TBL1XR1: variants seen among roughly 807,000 people sequenced by gnomAD.
The protein encoded by TBL1XR1 is TBL1X/Y related 1.
A neutral mutation model predicts 66.9 loss-of-function variants in TBL1XR1; 5 were observed. That is an observed-to-expected ratio of 0.07 (90% CI 0.04 to 0.16). The LOEUF is 0.16. TBL1XR1 is among the 10% of genes least tolerant of loss of function. TBL1XR1 has a pLI of 1.00. For missense variants in TBL1XR1, 238 were observed against 623.2 expected, an observed-to-expected ratio of 0.38 and a Z score of 6.58; for synonymous variants, 210 against 206.0, an observed-to-expected ratio of 1.02 and a Z score of -0.17.
intron 1 of TBL1XR1, among the ~76,000 whole-genome samples, chr3:177,191,831 C>T (rs1220478259): frequency 1.3e-5 from 2 of 152,160 alleles, no homozygotes; most frequent in East Asian, 1.9e-4. Flanking sequence ...TTGCCTGGCA[C>T]GGTGGCTCAT....
At chr3:177,201,772 TACCCCCAG>T (rs759700517), upstream of TBL1XR1, 6 of 152,238 alleles carry the variant, frequency 3.9e-5, no homozygotes, top group Non-Finnish European at 8.8e-5. Flanking sequence ...CTGTAGCGTT[TACCCCCAG>T]GCGTCTTGCT....
At chr3:177,136,749 A>C (rs994598791) in intron 1 of TBL1XR1, among the ~76,000 whole-genome samples, 9 of 152,194 alleles carry the variant, frequency 5.9e-5, no homozygotes, top group Non-Finnish European at 4.4e-5. Context: ...GTGTGCCCTA[A>C]AACTACAGTG....
At chr3:177,081,821 A>C (rs950523353) in intron 2 of TBL1XR1, among the ~76,000 whole-genome samples, 4 of 151,944 alleles carry the variant, frequency 2.6e-5, no homozygotes, top group African/African-American at 7.2e-5. Flanking sequence ...TATTGTCTTT[A>C]GTCAGTATAA....
At chr3:177,031,950 C>G (rs188070981) in intron 14 of TBL1XR1, among the ~76,000 whole-genome samples, 10 of 151,908 alleles carry the variant, frequency 6.6e-5, no homozygotes, top group Admixed American at 5.2e-4. Flanking sequence ...ATGGAAAAAA[C>G]ATGATCAAAC....
intron 1 of TBL1XR1, among the ~76,000 whole-genome samples, chr3:177,186,800 T>C (rs1003782707): frequency 6.6e-6 from 1 of 152,154 alleles, no homozygotes; most frequent in African/African-American, 2.4e-5. Context: ...AAAATTGAAA[T>C]CATGGCCAGT....
intron 1 of TBL1XR1, among the ~76,000 whole-genome samples, chr3:177,176,495 T>C (rs1734169797): frequency 6.6e-6 from 1 of 151,080 alleles, no homozygotes; most frequent in African/African-American, 2.4e-5. Flanking sequence ...CTGGTTAATT[T>C]TCTTAAATGC....
At chr3:177,057,090 GTCTCA>G (rs1717900291) in intron 3 of TBL1XR1, among the ~76,000 whole-genome samples, 1 of 152,058 alleles carries the variant, frequency 6.6e-6, no homozygotes, top group African/African-American at 2.4e-5. Context: ...TGTCTCTCCA[GTCTCA>G]TCTCAATACT....
chr3:177,193,115 T>A (rs1348685307), intron 1 of TBL1XR1, among the ~76,000 whole-genome samples: 3 of 151,604 alleles, frequency 2.0e-5, no homozygotes, highest in Admixed American at 2.0e-4. Context: ...ATCGCGCCAC[T>A]GCACTCCAGC....
chr3:177,064,064 A>G (rs569777432), intron 3 of TBL1XR1, among the ~76,000 whole-genome samples: 166 of 152,220 alleles, frequency 1.1e-3, no homozygotes, highest in Non-Finnish European at 2.1e-3. Flanking sequence ...ACAAGCTTAG[A>G]CCTCTACTTT....
intron 1 of TBL1XR1, among the ~76,000 whole-genome samples, chr3:177,155,478 G>A (rs986311766): frequency 2.0e-5 from 3 of 152,058 alleles, no homozygotes; most frequent in Non-Finnish European, 1.5e-5. Flanking sequence ...ATGTTGTTCT[G>A]TATCTATGAA....
At chr3:177,144,008 T>C (rs1729943103) in intron 1 of TBL1XR1, among the ~76,000 whole-genome samples, 1 of 152,000 alleles carries the variant, frequency 6.6e-6, no homozygotes, top group African/African-American at 2.4e-5. Flanking sequence ...TCCCAGCACT[T>C]TGGGAGGCAG....
intron 1 of TBL1XR1, among the ~76,000 whole-genome samples, chr3:177,170,641 T>C (rs766465452): frequency 1.1e-4 from 17 of 152,108 alleles, no homozygotes; most frequent in Non-Finnish European, 2.1e-4. Flanking sequence ...ATGGTTTTTG[T>C]TGTTGTTGTT....
chr3:177,182,580 G>A (rs1241763124), intron 1 of TBL1XR1, among the ~76,000 whole-genome samples: 1 of 152,160 alleles, frequency 6.6e-6, no homozygotes. Flanking sequence ...AGGCTAAAGA[G>A]TGCCAGGCAC....
In TBL1XR1 at chr3:177,051,744, TGA is replaced by T. The variant is rs1717118871; in HGVS notation, c.205-20_205-19del. On this transcript the variant is annotated intron_variant, in intron 4 of 15. Coordinates refer to ENST00000457928, the MANE Select transcript of TBL1XR1 (RefSeq NM_024665.7). ...GTACCATCCTGGATTTGGAAAATTG[TGA>T]GAGAAGAAAAATCAAAGGCAATATT... 4.0e-6 allele frequency: 6 copies of T among 1,517,280 alleles called. No homozygotes were observed. The highest frequency in any genetic ancestry group is 5.3e-6 in the Non-Finnish European group (6 of 1,126,916). 94.0% of individuals were successfully genotyped at this position (1,517,280 alleles called of 1,614,324 possible).
intron 1 of TBL1XR1, among the ~76,000 whole-genome samples, chr3:177,159,913 T>C (rs953990292): frequency 3.3e-5 from 5 of 152,232 alleles, no homozygotes; most frequent in Admixed American, 2.0e-4. Flanking sequence ...TTTTTTAAGC[T>C]ATATTAATAG....
At chr3:177,081,957 G>C (rs907159794) in intron 2 of TBL1XR1, among the ~76,000 whole-genome samples, 4 of 152,092 alleles carry the variant, frequency 2.6e-5, no homozygotes, top group African/African-American at 9.7e-5. Flanking sequence ...AGGAGAATTT[G>C]ATGTTTAAAT....
chr3:177,106,588 T>C (rs1192778048), intron 1 of TBL1XR1, among the ~76,000 whole-genome samples: 1 of 151,910 alleles, frequency 6.6e-6, no homozygotes, highest in African/African-American at 2.4e-5. Context: ...CTAGATAACC[T>C]CTCTCAGTGC....
chr3:177,039,358 C>A (rs1036819001), intron 10 of TBL1XR1, among the ~76,000 whole-genome samples: 1 of 152,114 alleles, frequency 6.6e-6, no homozygotes, highest in Non-Finnish European at 1.5e-5. Flanking sequence ...AAGAGTTAGA[C>A]AAATGTTATG....
intron 1 of TBL1XR1, among the ~76,000 whole-genome samples, chr3:177,174,902 G>T (rs941404978): frequency 1.3e-5 from 2 of 152,054 alleles, no homozygotes; most frequent in Non-Finnish European, 2.9e-5. Context: ...ATGTCCTTAG[G>T]CACAGCAAAG....
Sources: gnomAD v4.1 joint callset for allele counts (sites outside exome capture counted in the v4.1 genomes callset) on GRCh38, gnomAD v4.1.1 for gene constraint, MANE v1.5 for transcripts, NCBI Gene and HGNC (gene_info 2026-07-23, HGNC 2026-07-21) for gene names.